The following BTBD3 variants were observed in gnomAD, a reference collection of about 807,000 sequenced individuals.
BTBD3 encodes BTB domain containing 3, also known as BTB/POZ domain-containing protein 3.
BTBD3 carries 14 observed loss-of-function variants against 41.6 expected under a neutral mutation model. The ratio of observed to expected loss-of-function variants is 0.34; its 90% CI spans 0.22 to 0.53. The LOEUF is 0.53. Ranked by LOEUF, BTBD3 falls within the 20% of genes least tolerant of loss-of-function variation. The pLI is 0.95. For synonymous variants in BTBD3, 249 were observed against 233.7 expected (o/e 1.07, Z -0.60); for missense variants, 426 against 654.7 (o/e 0.65, Z 3.81).
chr20:11,923,646 G>T lies in BTBD3; in HGVS notation c.1549G>T (p.Glu517Ter), dbSNP rs763238568. ...GTGVQGGQIP[E>*]LIFYA is the part of the protein sequence containing the mutation. ...TGGGGTACAGGGAGGGCAGATCCCT[G>T]AACTTATATTCTATGCTTGAAAACT... The change falls in exon 4 of 4, where the codon GAA becomes TAA. Residue 517 changes from glutamate to a stop codon, truncating the protein, a stop_gained. Coordinates refer to ENST00000378226, the MANE Select transcript of BTBD3 (RefSeq NM_014962.4). LOFTEE classifies it high-confidence loss of function. The surrounding 1 kb of genome is among the most constrained non-coding windows in gnomAD (Gnocchi z 5.3). The T allele has an allele frequency of 6.2e-7, 1 of 1,605,626 alleles. No individual in the cohort carries two copies. The highest frequency in any genetic ancestry group is 8.5e-7 in the Non-Finnish European group (1 of 1,175,770).
intron 1 of BTBD3, among the ~76,000 whole-genome samples, chr20:11,894,648 T>C (rs1056398094): frequency 6.6e-6 from 1 of 152,082 alleles, no homozygotes; most frequent in Non-Finnish European, 1.5e-5. Context: ...TTTTCTTTTT[T>C]TTCTTCTCCA....
chr20:11,919,307 C>A, intron 2 of BTBD3, 131 bp downstream of exon 2: 2 of 1,305,576 alleles, frequency 1.5e-6, no homozygotes, highest in Non-Finnish European at 2.0e-6. Context: ...AGGGAGAGAG[C>A]GCACCCTCTC....
At chr20:11,915,505 G>A (rs2056912495), upstream of BTBD3, among the ~76,000 whole-genome samples, 1 of 152,100 alleles carries the variant, frequency 6.6e-6, no homozygotes, top group Non-Finnish European at 1.5e-5. Context: ...TTTCAACCTT[G>A]AATACTGTAT....
chr20:11,893,831 C>G (rs1350065765), intron 1 of BTBD3, among the ~76,000 whole-genome samples: 1 of 152,130 alleles, frequency 6.6e-6, no homozygotes, highest in African/African-American at 2.4e-5. Context: ...TCTGCATAGA[C>G]ATACTTTTGA....
chr20:11,906,331 C>T (rs983550837), intron 1 of BTBD3, among the ~76,000 whole-genome samples: 17 of 118,666 alleles, frequency 1.4e-4, no homozygotes, highest in African/African-American at 4.3e-4. Context: ...ATGGTGTTAT[C>T]GGTGCTCACT....
In BTBD3 at chr20:11,898,082, T is replaced by C. The variant is rs138198987; in HGVS notation, c.-126+7128T>C. The stretch of plus-strand genomic sequence containing the variant: ...CTGAGGCAGGAGAATCTCTTGAACC[T>C]GGAAGGCGGAGGTTGCATGCAGTGA... On this transcript the variant is annotated intron_variant, in intron 1 of 4. Coordinates refer to the BTBD3 transcript ENST00000254977. Among the ~76,000 whole-genome samples, 850 of 152,236 alleles carry C rather than the reference T, an allele frequency of 5.6e-3. 9 individuals carry two copies. Among genetic ancestry groups the C allele is most frequent in the Middle Eastern group, 0.034 (10 of 294 alleles).
intron 1 of BTBD3, among the ~76,000 whole-genome samples, chr20:11,891,131 C>T (rs1339331959): frequency 6.7e-6 from 1 of 150,076 alleles, no homozygotes; most frequent in Non-Finnish European, 1.5e-5. Context: ...ATCCCATATC[C>T]GTCCCCCGGG....
intron 1 of BTBD3, among the ~76,000 whole-genome samples, chr20:11,905,967 C>T (rs1174270509): frequency 6.6e-6 from 1 of 152,146 alleles, no homozygotes; most frequent in African/African-American, 2.4e-5. Flanking sequence ...CATTGAACAA[C>T]AGGCACACAT....
rs2056943420 is a variant in BTBD3, at chr20:11,919,181, G to A, written c.417+5G>A. The A allele has an allele frequency of 6.2e-7, 1 of 1,612,330 alleles. No homozygotes were observed. Among genetic ancestry groups the A allele is most frequent in the Admixed American group, 1.7e-5 (1 of 59,940 alleles). ...CAACGGTTGCCAGGACACAAAGTAA[G>A]CAACAGCTGCATGACCGGTTTAGTC... On this transcript the variant is annotated splice_donor_5th_base_variant and intron_variant, in intron 2 of 3. Coordinates refer to ENST00000378226, the MANE Select transcript of BTBD3 (RefSeq NM_014962.4).
upstream of BTBD3, among the ~76,000 whole-genome samples, chr20:11,916,282 A>G (rs1020450716): frequency 6.6e-6 from 1 of 152,226 alleles, no homozygotes; most frequent in African/African-American, 2.4e-5. Flanking sequence ...TGTTAACCCT[A>G]TTCTGAATAA....
chr20:11,895,859 G>T (rs2056783758), intron 1 of BTBD3, among the ~76,000 whole-genome samples: 1 of 152,142 alleles, frequency 6.6e-6, no homozygotes, highest in South Asian at 2.1e-4. Flanking sequence ...CTCACTGTTG[G>T]TATAGCATTC....
chr20:11,919,081 T>G lies in BTBD3; in HGVS notation c.327-5T>G. ...TGTGAATTAATGAGTTGCCTCTGTT[T>G]ATAGAAATGCGATGATGTTCAATAA... On this transcript the variant is annotated splice_region_variant and splice_polypyrimidine_tract_variant and intron_variant, in intron 1 of 3. Coordinates refer to ENST00000378226, the MANE Select transcript of BTBD3 (RefSeq NM_014962.4). 2 of 1,611,196 alleles carry G rather than the reference T, an allele frequency of 1.2e-6. No homozygotes were observed. Among genetic ancestry groups the G allele is most frequent in the Non-Finnish European group, 1.7e-6 (2 of 1,178,028 alleles).
At chr20:11,907,366 A>G (rs1022054082) in intron 1 of BTBD3, among the ~76,000 whole-genome samples, 3 of 152,204 alleles carry the variant, frequency 2.0e-5, no homozygotes, top group African/African-American at 7.2e-5. Context: ...CTAAGCTTGC[A>G]TCTCAGTCAA....
intron 1 of BTBD3, chr20:11,892,557 T>C (rs1396929392): frequency 6.6e-6 from 1 of 152,242 alleles, no homozygotes; most frequent in Non-Finnish European, 1.5e-5. Flanking sequence ...AGGGTGAGCT[T>C]ATGCAGTTCC....
chr20:11,909,518 A>G (rs1308167541), intron 1 of BTBD3: 2 of 152,124 alleles, frequency 1.3e-5, no homozygotes, highest in Non-Finnish European at 2.9e-5. Context: ...GTGTTAAGCT[A>G]CTTTGTAACT....
chr20:11,923,196 C>T lies in BTBD3; in HGVS notation c.1099C>T (p.Arg367Cys), dbSNP rs2122337455. ...TGAGCTTCAGTTTGTGAGTAAAGCCCGTAAGGGCCTTGTCCCCCAGCGCTG... is the reference window on the plus strand; with the variant it reads ...TGAGCTTCAGTTTGTGAGTAAAGCCTGTAAGGGCCTTGTCCCCCAGCGCTG... The part of the protein sequence containing the change: ...KPELQFVSKA[R>C]KGLVPQRCHR... The change falls in exon 4 of 4, where the codon CGT becomes TGT. Residue 367 changes from arginine to cysteine, a missense_variant. Arg to Cys is a radical substitution (Grantham distance 180). Transcript: ENST00000378226. This position sits in a 1 kb window ranked among gnomAD's most constrained non-coding sequence, Gnocchi z 5.3. The T allele has an allele frequency of 1.2e-6, 2 of 1,614,234 alleles. No individual in the cohort carries two copies. The highest frequency in any genetic ancestry group is 1.7e-6 in the Non-Finnish European group (2 of 1,180,044).
chr20:11,912,814 T>G (rs1253215217), intron 1 of BTBD3, among the ~76,000 whole-genome samples: 1 of 152,246 alleles, frequency 6.6e-6, no homozygotes, highest in Admixed American at 6.5e-5. Context: ...ATACTGACCT[T>G]AAGGTCACTT....
At chr20:11,911,031 TA>T (rs1389916577) in intron 1 of BTBD3, among the ~76,000 whole-genome samples, 1 of 152,278 alleles carries the variant, frequency 6.6e-6, no homozygotes, top group South Asian at 2.1e-4. Context: ...TTAAGCAACC[TA>T]AAAAAAAGAT....
Position 11,924,292 on chromosome 20 carries a change from G to A in BTBD3, c.*626G>A, listed in dbSNP as rs951480402. ...TAAAATTGGAAAATAAGGAACTGGG[G>A]GCATTTGTTTAGGCCATGACTTCTA... On this transcript the variant is annotated 3_prime_UTR_variant, in exon 4 of 4. Coordinates refer to ENST00000378226, the MANE Select transcript of BTBD3 (RefSeq NM_014962.4). 6.6e-6 allele frequency: 1 copy of A among 152,006 alleles called. No individual in the cohort carries two copies. The highest frequency in any genetic ancestry group is 2.4e-5 in the African/African-American group (1 of 41,354). The allele number at this position is 152,006 out of a possible 1,614,324, so 9.4% of individuals were successfully genotyped here. A position where few individuals can be genotyped will look rare whatever the true frequency, so the allele number is the denominator to read the frequency against.
Sources: gnomAD v4.1 joint callset for allele counts (sites outside exome capture counted in the v4.1 genomes callset) on GRCh38, gnomAD v4.1.1 for gene constraint, Gnocchi (gnomAD v3.1) non-coding constraint, MANE v1.5 for transcripts, NCBI Gene and HGNC (gene_info 2026-07-23, HGNC 2026-07-21) for gene names.